Variants in RANBP3L observed in about 807,000 individuals in gnomAD.
RANBP3L encodes RAN binding protein 3 like, also known as ran-binding protein 3-like.
RANBP3L carries 56 observed loss-of-function variants against 67.2 expected under a neutral mutation model. That is an observed-to-expected ratio of 0.83 (90% confidence interval 0.67 to 1.04). The LOEUF (loss-of-function observed/expected upper bound fraction) is 1.04, where lower values mean the gene tolerates loss of function less well. Ranked by LOEUF, RANBP3L falls within the 50% of genes least tolerant of loss-of-function variation. The pLI, the probability that RANBP3L is intolerant of heterozygous loss-of-function variation, is 0.00. For missense variants in RANBP3L, 496 were observed against 535.5 expected (o/e 0.93, Z 0.73); for synonymous variants, 164 against 181.4 (o/e 0.90, Z 0.77).
chr5:36,269,525 T>C (rs1270038244), intron 3 of RANBP3L, 58 bp from the exon 4 acceptor site: 3 of 993,746 alleles, frequency 3.0e-6, no homozygotes, highest in Non-Finnish European at 4.9e-6. Context: ...TATCCTCAAC[T>C]CATGATAGGG....
chr5:36,256,248 A>G (rs1748969943), intron 10 of RANBP3L, among the ~76,000 whole-genome samples: 1 of 152,056 alleles, frequency 6.6e-6, no homozygotes, highest in Non-Finnish European at 1.5e-5. Flanking sequence ...ATAAGACTGG[A>G]ATTAATCTAA....
chr5:36,298,535 T>A (rs1752394815), intron 1 of RANBP3L, among the ~76,000 whole-genome samples: 1 of 152,132 alleles, frequency 6.6e-6, no homozygotes, highest in Non-Finnish European at 1.5e-5. Flanking sequence ...CTTCACATAA[T>A]AGCAAGGTGC....
chr5:36,270,093 T>C, intron 2 of RANBP3L, 103 bp from the exon 3 acceptor site: 1 of 970,232 alleles, frequency 1.0e-6, no homozygotes, highest in East Asian at 2.4e-5. Context: ...ATGGCAAAAA[T>C]TGCAATTACT....
chr5:36,287,237 C>T (rs766735859), intron 1 of RANBP3L, among the ~76,000 whole-genome samples: 26 of 152,192 alleles, frequency 1.7e-4, no homozygotes, highest in Admixed American at 3.9e-4. Flanking sequence ...TCACTCACGC[C>T]CTGCTCACCT....
At chr5:36,293,480 A>G (rs1751955313) in intron 1 of RANBP3L, among the ~76,000 whole-genome samples, 3 of 152,074 alleles carry the variant, frequency 2.0e-5, no homozygotes, top group African/African-American at 7.2e-5. Context: ...GTCTTGTGCC[A>G]GTCTTCAAAG....
chr5:36,288,547 A>G (rs1400602405), intron 1 of RANBP3L, among the ~76,000 whole-genome samples: 1 of 152,168 alleles, frequency 6.6e-6, no homozygotes, highest in African/African-American at 2.4e-5. Context: ...ATTATATAAG[A>G]AACTGCCAAA....
chr5:36,262,961 C>T (rs1167412715), intron 6 of RANBP3L, among the ~76,000 whole-genome samples: 1 of 151,902 alleles, frequency 6.6e-6, no homozygotes, highest in Non-Finnish European at 1.5e-5. Flanking sequence ...TAGTAAGTAA[C>T]CATTGATTAA....
At chr5:36,296,767 C>G (rs1282713024) in intron 1 of RANBP3L, among the ~76,000 whole-genome samples, 1 of 152,112 alleles carries the variant, frequency 6.6e-6, no homozygotes, top group Non-Finnish European at 1.5e-5. Flanking sequence ...GAGGTTTACA[C>G]TTAAACTAGT....
At chr5:36,254,844 A>G (rs1363843) in intron 11 of RANBP3L, among the ~76,000 whole-genome samples, 130,696 of 151,912 alleles carry the variant, frequency 0.86, 57,801 homozygotes, top group Non-Finnish European at 0.97. Context: ...TGCCCATTGC[A>G]TTATTTTGAA....
At chr5:36,299,907 G>T (rs151286982) in intron 1 of RANBP3L, among the ~76,000 whole-genome samples, 1 of 152,278 alleles carries the variant, frequency 6.6e-6, no homozygotes, top group Non-Finnish European at 1.5e-5. Context: ...AGTCTATATT[G>T]TTTAAAAAGC....
chr5:36,271,616 A>G (rs994480128), intron 1 of RANBP3L, among the ~76,000 whole-genome samples: 10 of 152,202 alleles, frequency 6.6e-5, no homozygotes, highest in Non-Finnish European at 1.2e-4. Flanking sequence ...GAATCTCATC[A>G]GAGCATAGCG....
chr5:36,301,363 G>C lies in RANBP3L; in HGVS notation c.54C>G (p.Thr18=), dbSNP rs1561155834. Residue 18 remains threonine, a synonymous_variant, in exon 1 of 14, where the codon ACC becomes ACG. Transcript: ENST00000296604. ...GSSHLPGSLH[T]CKLKLQEDRR... is the part of the protein sequence containing the mutation. ...GGTCCTCCTGCAGCTTCAGTTTACA[G>C]GTGTGCAAACTGCCAGGCAGGTGGC... 3.1e-6 allele frequency: 5 copies of C among 1,613,674 alleles called. No individual in the cohort carries two copies. Among genetic ancestry groups the C allele is most frequent in the Non-Finnish European group, 4.2e-6 (5 of 1,179,724 alleles).
chr5:36,258,076 G>GA (rs1452633489), intron 8 of RANBP3L, among the ~76,000 whole-genome samples: 2 of 151,680 alleles, frequency 1.3e-5, no homozygotes, highest in Non-Finnish European at 2.9e-5. Flanking sequence ...CCACTTTATG[G>GA]AAAAAAACAA....
At chr5:36,266,813 G>A (rs951177497) in intron 4 of RANBP3L, among the ~76,000 whole-genome samples, 4 of 151,738 alleles carry the variant, frequency 2.6e-5, no homozygotes, top group Admixed American at 2.0e-4. Context: ...CTGGAGTGCA[G>A]TGGCATGACC....
rs1748418677 is a variant in RANBP3L, at chr5:36,248,774, GAAAC to G, written c.*876_*879del. ...CTTGTGTGATTCATGAGGTGTCTCTGAAACAAATCGCAAAGAAGAGGATCAAAAC... is the reference window on the plus strand; with the variant it reads ...CTTGTGTGATTCATGAGGTGTCTCTGAAATCGCAAAGAAGAGGATCAAAAC... On this transcript the variant is annotated 3_prime_UTR_variant, in exon 14 of 14. Coordinates refer to ENST00000296604, the MANE Select transcript of RANBP3L (RefSeq NM_145000.5). The G allele has an allele frequency of 6.6e-6, 1 of 152,134 alleles. No homozygotes were observed. Among genetic ancestry groups the G allele is most frequent in the Non-Finnish European group, 1.5e-5 (1 of 68,000 alleles). 9.4% of individuals were successfully genotyped at this position (152,134 alleles called of 1,614,324 possible). A position where few individuals can be genotyped will look rare whatever the true frequency, so the allele number is the denominator to read the frequency against.
intron 1 of RANBP3L, among the ~76,000 whole-genome samples, chr5:36,280,755 CTA>C (rs1288428679): frequency 6.6e-6 from 1 of 152,088 alleles, no homozygotes; most frequent in African/African-American, 2.4e-5. Context: ...TTTTCAATGA[CTA>C]TCACAGCATG....
chr5:36,248,115 C>G lies in RANBP3L; in HGVS notation c.*1539G>C, dbSNP rs1406078004. ...TTCTTGATTTTAAAAAAGAGTATTT[C>G]TGTTGTCCATTCTTTTTGTCCTTTC... On this transcript the variant is annotated 3_prime_UTR_variant, in exon 14 of 14. Coordinates refer to ENST00000296604, the MANE Select transcript of RANBP3L (RefSeq NM_145000.5). Among the ~76,000 whole-genome samples, 1 of 152,162 alleles carries G rather than the reference C, an allele frequency of 6.6e-6. No individual in the cohort carries two copies. Among genetic ancestry groups the G allele is most frequent in the African/African-American group, 2.4e-5 (1 of 41,454 alleles).
At chr5:36,291,346 TTTTTTATTTTTTTA>T (rs1561141469) in intron 1 of RANBP3L, among the ~76,000 whole-genome samples, 1 of 150,788 alleles carries the variant, frequency 6.6e-6, no homozygotes, top group African/African-American at 2.4e-5. Context: ...TATTTTTTAA[TTTTTTATTTTTTTA>T]TTTTTATTTT....
At chr5:36,282,060 G>A (rs775024003) in intron 1 of RANBP3L, among the ~76,000 whole-genome samples, 13 of 152,190 alleles carry the variant, frequency 8.5e-5, no homozygotes, top group Non-Finnish European at 1.6e-4. Context: ...TCAGAAAGTT[G>A]CAGAATGTGT....
Sources: gnomAD v4.1 joint callset for allele counts (sites outside exome capture counted in the v4.1 genomes callset) on GRCh38, gnomAD v4.1.1 for gene constraint, MANE v1.5 for transcripts, NCBI Gene and HGNC (gene_info 2026-07-23, HGNC 2026-07-21) for gene names.